Variants in MNAT1 observed in about 807,000 individuals in gnomAD.
MNAT1 encodes CDK-activating kinase assembly factor MAT1.
Under a neutral mutation model 42.0 loss-of-function variants are expected in MNAT1, and 43 were observed. The ratio of observed to expected loss-of-function variants is 1.02; its 90% CI spans 0.80 to 1.32. The LOEUF (loss-of-function observed/expected upper bound fraction) is 1.32, where lower values mean the gene tolerates loss of function less well. Among genes scored for constraint, MNAT1 ranks in the 40% most tolerant of loss-of-function variants. MNAT1 has a pLI of 0.00. For missense variants in MNAT1, 306 were observed against 350.4 expected, an observed-to-expected ratio of 0.87 and a Z score of 1.01; for synonymous variants, 118 against 120.0, an observed-to-expected ratio of 0.98 and a Z score of 0.11.
intron 4 of MNAT1, chr14:60,808,672 A>G (rs182900673): frequency 1.3e-4 from 30 of 231,962 alleles, no homozygotes; most frequent in Non-Finnish European, 2.1e-4. Context: ...TCCGTAAGAT[A>G]GGTGATTGTT....
At chr14:60,826,355 C>A (rs2033057771) in intron 6 of MNAT1, among the ~76,000 whole-genome samples, 2 of 143,128 alleles carry the variant, frequency 1.4e-5, no homozygotes, top group African/African-American at 5.3e-5. Context: ...CTCACTCTGT[C>A]CCCCAGGCTG....
rs1299100378 is a variant in MNAT1, at chr14:60,834,219, G to T, written c.687+15372G>T. ...TATTTGCTGTCTTCTGCTAGCTTTT[G>T]AATTTCTTTGGTCTTTCTTCTCTAG... On this transcript the variant is annotated intron_variant, in intron 6 of 7. Coordinates refer to ENST00000261245, the MANE Select transcript of MNAT1 (RefSeq NM_002431.4). Among the ~76,000 whole-genome samples the T allele has an allele frequency of 4.6e-5, 7 of 151,960 alleles. No individual in the cohort carries two copies. The South Asian group carries it at 8.3e-4, about 18-fold the overall frequency.
intron 1 of MNAT1, among the ~76,000 whole-genome samples, chr14:60,793,405 G>A (rs1350037174): frequency 6.6e-6 from 1 of 151,398 alleles, no homozygotes; most frequent in Non-Finnish European, 1.5e-5. Flanking sequence ...GCTTTGTCAC[G>A]CAGGCTGGAG....
rs764807984 is a variant in MNAT1, at chr14:60,818,804, C to G, written c.644C>G (p.Pro215Arg). The G allele has an allele frequency of 5.0e-6, 8 of 1,612,500 alleles. No homozygotes were observed. The highest frequency in any genetic ancestry group is 1.3e-5 in the African/African-American group (1 of 74,838). The change falls in exon 6 of 8, where the codon CCC becomes CGC. Residue 215 changes from proline to arginine, a missense_variant. Coordinates refer to ENST00000261245, the MANE Select transcript of MNAT1 (RefSeq NM_002431.4). Reference sequence around the variant, plus strand: ...CAATTAGAAATGCAACTTGAGAAACCCAAACCTGTAAAACCAGTGACGTTT... The same window carrying G: ...CAATTAGAAATGCAACTTGAGAAACGCAAACCTGTAAAACCAGTGACGTTT... The part of the protein sequence containing the change: ...STQLEMQLEK[P>R]KPVKPVTFST...
chr14:60,963,311 A>G (rs1277527968), intron 7 of MNAT1, among the ~76,000 whole-genome samples: 1 of 152,144 alleles, frequency 6.6e-6, no homozygotes, highest in East Asian at 1.9e-4. Flanking sequence ...AGCTGCCCTC[A>G]GAATTATGAA....
chr14:60,780,637 G>A (rs4151187), intron 1 of MNAT1: 39,990 of 1,204,026 alleles, frequency 0.033, 887 homozygotes, highest in Middle Eastern at 0.059. Context: ...TTTGAAATGT[G>A]GTTTTCCTGA....
intron 6 of MNAT1, among the ~76,000 whole-genome samples, chr14:60,875,442 A>G (rs2034415374): frequency 6.6e-6 from 1 of 152,120 alleles, no homozygotes; most frequent in Non-Finnish European, 1.5e-5. Flanking sequence ...TTGGCTTTTA[A>G]TCATCAAACT....
intron 7 of MNAT1, among the ~76,000 whole-genome samples, chr14:60,937,713 GCT>G (rs965373214): frequency 6.6e-6 from 1 of 152,038 alleles, no homozygotes; most frequent in Non-Finnish European, 1.5e-5. Flanking sequence ...GGCGATGCGG[GCT>G]CTTTTTTGGT....
At chr14:60,766,430 G>C (rs1024970118) in intron 1 of MNAT1, among the ~76,000 whole-genome samples, 4 of 151,042 alleles carry the variant, frequency 2.6e-5, no homozygotes, top group African/African-American at 9.7e-5. Context: ...AAATCTTTTT[G>C]TGGCCTGGCG....
chr14:60,891,184 C>G (rs1051650276), intron 7 of MNAT1, among the ~76,000 whole-genome samples: 1 of 151,952 alleles, frequency 6.6e-6, no homozygotes, highest in East Asian at 1.9e-4. Context: ...TTTCCTTAGT[C>G]TATTTAGCAT....
intron 7 of MNAT1, among the ~76,000 whole-genome samples, chr14:60,887,409 T>A (rs1158355330): frequency 1.9e-5 from 2 of 102,604 alleles, no homozygotes; most frequent in Admixed American, 1.5e-4. Context: ...CCCACAACAG[T>A]CCCCAGAGTG....
chr14:60,779,872 CT>C, intron 1 of MNAT1: 1 of 676,368 alleles, frequency 1.5e-6, no homozygotes, highest in South Asian at 1.8e-5. Flanking sequence ...ATGGTCTTTA[CT>C]TTTGAAACTC....
At chr14:60,945,885 CCT>C (rs1417466466) in intron 7 of MNAT1, among the ~76,000 whole-genome samples, 12 of 152,240 alleles carry the variant, frequency 7.9e-5, no homozygotes, top group African/African-American at 2.4e-4. Context: ...TCCACTTTCC[CCT>C]CTTTATACTC....
chr14:60,922,816 G>A (rs1446600158), intron 7 of MNAT1, among the ~76,000 whole-genome samples: 2 of 152,172 alleles, frequency 1.3e-5, no homozygotes, highest in Non-Finnish European at 2.9e-5. Context: ...AATTTGGAAA[G>A]TTAAACCCAG....
chr14:60,927,061 C>A (rs897033026), intron 7 of MNAT1, among the ~76,000 whole-genome samples: 1 of 152,198 alleles, frequency 6.6e-6, no homozygotes, highest in African/African-American at 2.4e-5. Flanking sequence ...GTGCCAGGGA[C>A]TGTGGGCAAA....
intron 7 of MNAT1, among the ~76,000 whole-genome samples, chr14:60,947,466 T>C (rs965913584): frequency 6.6e-6 from 1 of 152,146 alleles, no homozygotes; most frequent in Non-Finnish European, 1.5e-5. Context: ...GTGGATCTTC[T>C]GAGGTCAGGA....
chr14:60,875,068 T>C (rs2034408051), intron 6 of MNAT1, among the ~76,000 whole-genome samples: 1 of 152,092 alleles, frequency 6.6e-6, no homozygotes, highest in African/African-American at 2.4e-5. Context: ...TTATCGTACT[T>C]ATGGCAAACA....
intron 7 of MNAT1, among the ~76,000 whole-genome samples, chr14:60,889,197 C>G (rs2034768134): frequency 6.6e-6 from 1 of 152,176 alleles, no homozygotes; most frequent in Non-Finnish European, 1.5e-5. Flanking sequence ...TGACTTCAAA[C>G]TATACTACAA....
intron 6 of MNAT1, among the ~76,000 whole-genome samples, chr14:60,858,588 G>A (rs910200640): frequency 7.9e-5 from 12 of 152,040 alleles, no homozygotes; most frequent in Non-Finnish European, 1.5e-4. Context: ...AGTTCTGTGC[G>A]TTAAATGCTT....
Sources: gnomAD v4.1 joint callset for allele counts (sites outside exome capture counted in the v4.1 genomes callset) on GRCh38, gnomAD v4.1.1 for gene constraint, MANE v1.5 for transcripts, NCBI Gene and HGNC (gene_info 2026-07-23, HGNC 2026-07-21) for gene names.